The following RNF125 variants were observed in gnomAD, a reference collection of about 807,000 sequenced individuals.
RNF125 encodes ring finger protein 125.
Under a neutral mutation model 26.0 loss-of-function variants are expected in RNF125, and 21 were observed. The ratio of observed to expected loss-of-function variants is 0.81; its 90% CI spans 0.57 to 1.16. RNF125 has a LOEUF of 1.16. RNF125 is among the 50% of genes most tolerant of loss of function. The probability of loss-of-function intolerance (pLI) is 0.00; values close to 1 mark genes in which losing one functional copy is unlikely to be tolerated. For missense variants in RNF125, 270 were observed against 299.4 expected (o/e 0.90, Z 0.72); for synonymous variants, 95 against 109.2 (o/e 0.87, Z 0.81).
chr18:32,046,214 CAAAA>C (rs768054716), intron 4 of RNF125, among the ~76,000 whole-genome samples: 1 of 76,172 alleles, frequency 1.3e-5, no homozygotes. Flanking sequence ...AAGACTGTCT[CAAAA>C]AAAAAAAAAA....
intron 1 of RNF125, among the ~76,000 whole-genome samples, chr18:32,033,156 G>T (rs529017195): frequency 6.6e-5 from 10 of 152,202 alleles, no homozygotes; most frequent in African/African-American, 2.4e-4. Context: ...AGGTGTGTGG[G>T]TTTAACGGAG....
intron 3 of RNF125, among the ~76,000 whole-genome samples, chr18:32,044,235 G>C (rs2039246957): frequency 6.6e-6 from 1 of 152,110 alleles, no homozygotes; most frequent in African/African-American, 2.4e-5. Flanking sequence ...TTGAACTCCT[G>C]ACCTCGTGAT....
At chr18:32,050,865 C>CCTTTTTT (rs1491509832) in intron 4 of RNF125, among the ~76,000 whole-genome samples, 2 of 46,342 alleles carry the variant, frequency 4.3e-5, no homozygotes, top group African/African-American at 7.7e-5. Context: ...GTCTAGAGTG[C>CCTTTTTT]TTTTTTTTTT....
chr18:32,074,309 T>C (rs1477923542), downstream of RNF125, among the ~76,000 whole-genome samples: 1 of 152,206 alleles, frequency 6.6e-6, no homozygotes, highest in Non-Finnish European at 1.5e-5. Context: ...TGGCCATATG[T>C]AATGTCAAGG....
In RNF125 at chr18:32,057,725, G is replaced by A. The variant is rs1044215934; in HGVS notation, c.505-8177G>A. On this transcript the variant is annotated intron_variant, in intron 4 of 5. Coordinates refer to ENST00000217740, the MANE Select transcript of RNF125 (RefSeq NM_017831.4). ...TAGATTTAGAATTTCTCATTTGTTCGCCTACTATTTTATCTTGTTTCTCTG... is the reference window on the plus strand; with the variant it reads ...TAGATTTAGAATTTCTCATTTGTTCACCTACTATTTTATCTTGTTTCTCTG... Among the ~76,000 whole-genome samples, 11 of 151,914 alleles carry A rather than the reference G, an allele frequency of 7.2e-5. No individual in the cohort carries two copies. The East Asian group carries it at 9.6e-4, about 13-fold the overall frequency.
intron 4 of RNF125, among the ~76,000 whole-genome samples, chr18:32,064,225 C>T (rs986095535): frequency 5.9e-5 from 9 of 151,594 alleles, no homozygotes; most frequent in African/African-American, 2.2e-4. Context: ...TGAACTCCTA[C>T]CTCAAGTGAT....
chr18:32,055,222 C>T (rs1226623103), intron 4 of RNF125, among the ~76,000 whole-genome samples: 1 of 151,194 alleles, frequency 6.6e-6, no homozygotes, highest in Non-Finnish European at 1.5e-5. Flanking sequence ...TCCCTTAAGC[C>T]CAGGAGTTTG....
chr18:32,037,738 T>C (rs1262325074), intron 2 of RNF125, among the ~76,000 whole-genome samples: 1 of 152,120 alleles, frequency 6.6e-6, no homozygotes, highest in Non-Finnish European at 1.5e-5. Context: ...ATTAGCGCTC[T>C]GTAAAATGCA....
intron 4 of RNF125, among the ~76,000 whole-genome samples, chr18:32,049,592 C>CG (rs982953070): frequency 1.1e-4 from 13 of 122,908 alleles, no homozygotes; most frequent in South Asian, 5.8e-4. Context: ...TGGTGTGAGT[C>CG]GGGGGGGTGG....
intron 1 of RNF125, among the ~76,000 whole-genome samples, chr18:32,033,408 A>G (rs2039119040): frequency 6.6e-6 from 1 of 152,084 alleles, no homozygotes; most frequent in South Asian, 2.1e-4. Context: ...CATGCATGTA[A>G]TCCCAGCTGC....
chr18:32,067,724 C>A (rs1287448257), intron 5 of RNF125, among the ~76,000 whole-genome samples: 1 of 152,022 alleles, frequency 6.6e-6, no homozygotes, highest in African/African-American at 2.4e-5. Context: ...TTTTATATTG[C>A]AGAATGGACT....
At position 32,070,057 on chromosome 18, in the gene RNF125, T is replaced by G. The variant is rs1410462481; in HGVS notation, c.*1673T>G. ...TCTCTCTCTTTCCTTTTCTTTCTCT[T>G]TTTTTCAGAGTTGCACTCTGTTGCC... On this transcript the variant is annotated 3_prime_UTR_variant, in exon 6 of 6. Transcript: ENST00000217740. The G allele has an allele frequency of 6.6e-6, 1 of 152,010 alleles. No individual in the cohort carries two copies. Among genetic ancestry groups the G allele is most frequent in the Non-Finnish European group, 1.5e-5 (1 of 68,046 alleles). The allele number at this position is 152,010 out of a possible 1,614,324, so 9.4% of individuals were successfully genotyped here.
chr18:32,023,782 T>G lies in RNF125; in HGVS notation c.164+4755T>G, dbSNP rs151321965. Among the ~76,000 whole-genome samples, 84 of 152,278 alleles carry G rather than the reference T, an allele frequency of 5.5e-4. 1 individual carries two copies. The East Asian group carries it at 0.014, about 25-fold the overall frequency. ...GCTCACAAAAGTATACTTGGCCAGGTGCAGTGGCTCATGCCTGTAATCCCA... is the reference window on the plus strand; with the variant it reads ...GCTCACAAAAGTATACTTGGCCAGGGGCAGTGGCTCATGCCTGTAATCCCA... On this transcript the variant is annotated intron_variant, in intron 1 of 5. Coordinates refer to ENST00000217740, the MANE Select transcript of RNF125 (RefSeq NM_017831.4).
chr18:32,020,928 A>T (rs2038980495), intron 1 of RNF125, among the ~76,000 whole-genome samples: 1 of 152,118 alleles, frequency 6.6e-6, no homozygotes, highest in Non-Finnish European at 1.5e-5. Flanking sequence ...AAAGAAAAAA[A>T]AGAAAGTTTT....
chr18:32,087,364 C>G, the RNF125 span, among the ~76,000 whole-genome samples: 1 of 151,770 alleles, frequency 6.6e-6, no homozygotes, highest in Non-Finnish European at 1.5e-5. Flanking sequence ...ATGGGAACCG[C>G]AACTTGAAGC....
At chr18:32,065,333 A>G (rs2039474175) in intron 4 of RNF125, among the ~76,000 whole-genome samples, 1 of 151,916 alleles carries the variant, frequency 6.6e-6, no homozygotes, top group African/African-American at 2.4e-5. Flanking sequence ...CGCCTCCCAG[A>G]TTAAAGTGAT....
intron 1 of RNF125, chr18:32,031,081 A>G (rs1484450233): frequency 1.3e-5 from 2 of 152,068 alleles, no homozygotes; most frequent in Non-Finnish European, 2.9e-5. Context: ...CCACCTCTCA[A>G]TACCACCACA....
At chr18:32,062,446 A>G (rs1240940597) in intron 4 of RNF125, among the ~76,000 whole-genome samples, 2 of 152,248 alleles carry the variant, frequency 1.3e-5, no homozygotes, top group African/African-American at 2.4e-5. Context: ...CAATTAACCA[A>G]GAACATTAGG....
chr18:32,085,694 A>C, the RNF125 span, among the ~76,000 whole-genome samples: 3,989 of 103,922 alleles, frequency 0.038, 221 homozygotes, highest in African/African-American at 0.13. Context: ...GAGTGAAACG[A>C]CTTATCAAAA....
Sources: gnomAD v4.1 joint callset for allele counts (sites outside exome capture counted in the v4.1 genomes callset) on GRCh38, gnomAD v4.1.1 for gene constraint, MANE v1.5 for transcripts, NCBI Gene and HGNC (gene_info 2026-07-23, HGNC 2026-07-21) for gene names.